Variants in PLEKHH2 observed in about 807,000 individuals in gnomAD.
PLEKHH2 encodes the protein pleckstrin homology, MyTH4 and FERM domain containing H2, also known as pleckstrin homology domain-containing family H member 2.
A neutral mutation model predicts 187.9 loss-of-function variants in PLEKHH2; 129 were observed. The observed-to-expected ratio is 0.69, with a 90% CI of 0.59 to 0.79. The LOEUF is 0.79. PLEKHH2 is among the 30% of genes least tolerant of loss of function. The pLI is 0.00. For synonymous variants in PLEKHH2, 686 were observed against 605.6 expected (o/e 1.13, Z -1.95); for missense variants, 2,076 against 1,751.2 (o/e 1.19, Z -3.31).
At chr2:43,651,951 G>A (rs1308286812) in intron 2 of PLEKHH2, among the ~76,000 whole-genome samples, 1 of 152,124 alleles carries the variant, frequency 6.6e-6, no homozygotes, top group African/African-American at 2.4e-5. Context: ...TTTCTCAAAT[G>A]TCTGATGATT....
chr2:43,673,296 A>T (rs2217580), intron 2 of PLEKHH2, among the ~76,000 whole-genome samples: 106,607 of 152,066 alleles, frequency 0.7, 38,347 homozygotes, highest in African/African-American at 0.8. Context: ...TCTAACTGTA[A>T]GGATGTACCA....
At chr2:43,709,461 A>C (rs1669831798) in intron 11 of PLEKHH2, among the ~76,000 whole-genome samples, 1 of 152,250 alleles carries the variant, frequency 6.6e-6, no homozygotes, top group African/African-American at 2.4e-5. Context: ...TCTTGCATAT[A>C]TTTTATATAT....
chr2:43,707,316 G>A (rs1669709149), intron 10 of PLEKHH2, 85 bp from the exon 11 acceptor site: 1 of 1,514,218 alleles, frequency 6.6e-7, no homozygotes, highest in Non-Finnish European at 9.0e-7. Context: ...TTCTTTAGGA[G>A]GCGACCCTAA....
At position 43,678,896 on chromosome 2, in the gene PLEKHH2, G is replaced by GA. The variant is rs754751137; in HGVS notation, c.159dup (p.Arg54ThrfsTer16). 4 of 1,607,838 alleles carry GA rather than the reference G, an allele frequency of 2.5e-6. No individual in the cohort carries two copies. The South Asian group carries it at 4.4e-5, about 18-fold the overall frequency. ...GCTTGAGAGACAAGTTATTGATGCTGAACGTCAAGCAGAAAAAGCTTTTCA... is the reference window on the plus strand; with the variant it reads ...GCTTGAGAGACAAGTTATTGATGCTGAAACGTCAAGCAGAAAAAGCTTTTCA... On this transcript the variant is annotated frameshift_variant, in exon 3 of 30. Coordinates refer to ENST00000282406, the MANE Select transcript of PLEKHH2 (RefSeq NM_172069.4). LOFTEE classifies it high-confidence loss of function.
intron 2 of PLEKHH2, 104 bp downstream of exon 2, chr2:43,644,900 T>C: frequency 7.9e-7 from 1 of 1,261,362 alleles, no homozygotes; most frequent in Non-Finnish European, 1.1e-6. Context: ...TTAATTTTTG[T>C]CAAGTATTTG....
chr2:43,717,472 TGA>T (rs1478802133), intron 15 of PLEKHH2, among the ~76,000 whole-genome samples: 1 of 151,138 alleles, frequency 6.6e-6, no homozygotes, highest in Non-Finnish European at 1.5e-5. Context: ...GTGTGGTAAG[TGA>T]GAGGGGGAGG....
chr2:43,690,473 G>A (rs913974517), intron 3 of PLEKHH2, among the ~76,000 whole-genome samples: 4 of 151,732 alleles, frequency 2.6e-5, no homozygotes, highest in African/African-American at 9.7e-5. Flanking sequence ...TGGCATTCAT[G>A]GTTCAAAAAA....
chr2:43,701,107 T>G (rs1669340447), intron 8 of PLEKHH2, among the ~76,000 whole-genome samples: 1 of 152,234 alleles, frequency 6.6e-6, no homozygotes, highest in East Asian at 1.9e-4. Context: ...CTGATAAAAC[T>G]AATTTTAGAG....
chr2:43,730,429 C>T (rs553836990), intron 18 of PLEKHH2, among the ~76,000 whole-genome samples: 3 of 152,290 alleles, frequency 2.0e-5, no homozygotes, highest in African/African-American at 7.2e-5. Flanking sequence ...GACGGAGTCT[C>T]ACTCTGTCAC....
intron 25 of PLEKHH2, among the ~76,000 whole-genome samples, chr2:43,754,876 T>A (rs1251562931): frequency 2.0e-5 from 3 of 149,068 alleles, no homozygotes; most frequent in African/African-American, 7.5e-5. Flanking sequence ...CAACTTTTTT[T>A]TTTTTTTTTT....
chr2:43,710,967 A>G, intron 14 of PLEKHH2: 2 of 1,006,072 alleles, frequency 2.0e-6, no homozygotes, highest in Non-Finnish European at 2.4e-6. Context: ...ATAGAATCTG[A>G]AAATGACAGT....
In PLEKHH2 at chr2:43,764,257, T is replaced by C; in HGVS notation, c.4188T>C (p.Ser1396=). Residue 1396 remains serine, a synonymous_variant, in exon 29 of 30, where the codon AGT becomes AGC. Transcript: ENST00000282406. ...TAATAGTCAGCTATGTGTACAAGAG[T>C]CTAATGACCTTTGGAGGCTATCAAG... ...MRLIVSYVYK[S]LMTFGGYQDD... 1 of 1,561,926 alleles carries C rather than the reference T, an allele frequency of 6.4e-7. No homozygotes were observed. The highest frequency in any genetic ancestry group is 8.7e-7 in the Non-Finnish European group (1 of 1,151,294).
At position 43,765,545 on chromosome 2, in the gene PLEKHH2, A is replaced by G. The variant is rs748909827; in HGVS notation, c.4429A>G (p.Ser1477Gly). The G allele has an allele frequency of 6.8e-6, 11 of 1,613,724 alleles. No individual in the cohort carries two copies. The highest frequency in any genetic ancestry group is 4.0e-5 in the African/African-American group (3 of 74,684). ...GGGACCCCAAGCCAGAATGATGGGA[A>G]GCCAGCCTCTTCTGTCAAGCAGCAG... ...TRGPQARMMG[S>G]QPLLSSSRPT... is the part of the protein sequence containing the mutation. Residue 1477 changes from serine to glycine, a missense_variant, in exon 30 of 30, where the codon AGC becomes GGC. Coordinates refer to ENST00000282406, the MANE Select transcript of PLEKHH2 (RefSeq NM_172069.4).
chr2:43,655,376 G>C (rs565229552), intron 2 of PLEKHH2, among the ~76,000 whole-genome samples: 2 of 152,116 alleles, frequency 1.3e-5, no homozygotes, highest in Non-Finnish European at 2.9e-5. Context: ...GGAGAGCAGA[G>C]TATCAAAACC....
At chr2:43,650,147 T>A (rs1666393405) in intron 2 of PLEKHH2, among the ~76,000 whole-genome samples, 1 of 142,620 alleles carries the variant, frequency 7.0e-6, no homozygotes, top group East Asian at 2.0e-4. Flanking sequence ...TTCTTTCCTT[T>A]TTTTTTTTTT....
rs1667739219 is a variant in PLEKHH2 at position 43,675,887 on chromosome 2, A to T, written c.124-2976A>T. 1 of 1,614,104 alleles carries T rather than the reference A, an allele frequency of 6.2e-7. No homozygotes were observed. The highest frequency in any genetic ancestry group is 1.3e-5 in the African/African-American group (1 of 75,038). On this transcript the variant is annotated intron_variant, in intron 2 of 29. Coordinates refer to ENST00000282406, the MANE Select transcript of PLEKHH2 (RefSeq NM_172069.4). ...TACTTTAAATTTTCAATGACAGCAA[A>T]CGTAGTGGGAAGTGCAAGGAAGAAC...
intron 27 of PLEKHH2, among the ~76,000 whole-genome samples, chr2:43,761,276 A>T (rs1185141948): frequency 2.6e-5 from 4 of 152,164 alleles, no homozygotes; most frequent in African/African-American, 7.2e-5. Context: ...TCATTTGTTA[A>T]TGGAACCAAA....
Position 43,681,733 on chromosome 2 carries a change from G to C in PLEKHH2, c.186+2808G>C, listed in dbSNP as rs1668201690. The C allele has an allele frequency of 6.1e-6, 3 of 491,892 alleles. No homozygotes were observed. The South Asian group carries it at 8.9e-5, about 15-fold the overall frequency. The allele number at this position is 491,892 out of a possible 1,614,324, so 30.5% of individuals were successfully genotyped here. The stretch of plus-strand genomic sequence containing the variant: ...GGCAAGGGAGCTCCCTGATGCCCCA[G>C]ACACCCCATTCAGTTTCGGGTCTGA... On this transcript the variant is annotated intron_variant, in intron 3 of 29. Coordinates refer to ENST00000282406, the MANE Select transcript of PLEKHH2 (RefSeq NM_172069.4).
intron 2 of PLEKHH2, chr2:43,676,114 A>G: frequency 6.2e-7 from 1 of 1,613,938 alleles, no homozygotes; most frequent in South Asian, 1.1e-5. Flanking sequence ...GATACAGAAA[A>G]CACGAATACT....
Sources: gnomAD v4.1 joint callset for allele counts (sites outside exome capture counted in the v4.1 genomes callset) on GRCh38, gnomAD v4.1.1 for gene constraint, MANE v1.5 for transcripts, NCBI Gene and HGNC (gene_info 2026-07-23, HGNC 2026-07-21) for gene names.